The following AKR1C3 variants were observed in gnomAD, a reference collection of about 807,000 sequenced individuals.
The protein encoded by AKR1C3 is 3-alpha hydroxysteroid dehydrogenase, type II.
In AKR1C3, 48 loss-of-function variants were observed where a neutral mutation model predicts 43.6. The observed-to-expected ratio is 1.10, with a 90% CI of 0.87 to 1.40. The LOEUF (loss-of-function observed/expected upper bound fraction) is 1.40, where lower values mean the gene tolerates loss of function less well. AKR1C3 is among the 40% of genes most tolerant of loss of function. The pLI is 0.00. For synonymous variants in AKR1C3, 162 were observed against 139.6 expected, an observed-to-expected ratio of 1.16 and a Z score of -1.13; for missense variants, 482 against 391.2, an observed-to-expected ratio of 1.23 and a Z score of -1.96.
chr10:5,082,741 T>C (rs1489163247), intron 1 of AKR1C3, among the ~76,000 whole-genome samples: 6 of 152,314 alleles, frequency 3.9e-5, no homozygotes, highest in Non-Finnish European at 7.4e-5. Context: ...TCCAAGGATA[T>C]GTTCCTCTAG....
chr10:5,086,532 C>T (rs1188351061), intron 1 of AKR1C3, among the ~76,000 whole-genome samples: 4 of 151,746 alleles, frequency 2.6e-5, no homozygotes, highest in Non-Finnish European at 4.4e-5. Context: ...TGGTGTGGTG[C>T]TGAAAAGAAT....
rs782377695 is a variant in AKR1C3, at chr10:5,102,552, C to G, written c.748C>G (p.Arg250Gly). Residue 250 changes from arginine to glycine, a missense_variant, in exon 7 of 9, where the codon CGA (arginine) becomes GGA (glycine). Coordinates refer to ENST00000380554, the MANE Select transcript of AKR1C3 (RefSeq NM_003739.6). ...VLCALAKKHK[R>G]TPALIALRYQ... ...TTGTGCCTTGGCAAAAAAGCACAAG[C>G]GAACCCCAGCCCTGATTGCCCTGCG... is the stretch of plus-strand genomic sequence containing the variant. 22 of 1,570,390 alleles carry G rather than the reference C, an allele frequency of 1.4e-5. No homozygotes were observed. In the African/African-American group the frequency reaches 2.7e-4, roughly 19 times the overall value.
In AKR1C3 at chr10:5,105,612, G is replaced by A; in HGVS notation, c.864G>A (p.Leu288=). The change falls in exon 8 of 9, where the codon TTG becomes TTA. Residue 288 remains leucine (L), a synonymous_variant. Coordinates refer to ENST00000380554, the MANE Select transcript of AKR1C3 (RefSeq NM_003739.6). ...RQNVQVFEFQ[L]TAEDMKAIDG... ...TCTGATAGGTTTTTGAGTTCCAGTTGACTGCAGAGGACATGAAAGCCATAG... is the reference window on the plus strand; with the variant it reads ...TCTGATAGGTTTTTGAGTTCCAGTTAACTGCAGAGGACATGAAAGCCATAG... 1 of 1,613,832 alleles carries A rather than the reference G, an allele frequency of 6.2e-7. No individual in the cohort carries two copies. Among genetic ancestry groups the A allele is most frequent in the Non-Finnish European group, 8.5e-7 (1 of 1,179,840 alleles).
At chr10:5,082,728 T>C (rs1588345465) in intron 1 of AKR1C3, among the ~76,000 whole-genome samples, 1 of 152,264 alleles carries the variant, frequency 6.6e-6, no homozygotes, top group East Asian at 1.9e-4. Context: ...TGTGACCATG[T>C]TTTCCAAGGA....
chr10:5,093,262 G>T (rs577296074), upstream of AKR1C3: 1 of 151,974 alleles, frequency 6.6e-6, no homozygotes, highest in Non-Finnish European at 1.5e-5. Flanking sequence ...TTCTTGACGC[G>T]TCCATGAGAC....
At chr10:5,092,048 AT>A (rs1306763368), upstream of AKR1C3, among the ~76,000 whole-genome samples, 6 of 145,310 alleles carry the variant, frequency 4.1e-5, no homozygotes, top group East Asian at 1.7e-3. Flanking sequence ...TTAAAAAAAA[AT>A]TTTTGCCAAA....
At chr10:5,093,903 A>G (rs1319868901), upstream of AKR1C3, 4 of 152,142 alleles carry the variant, frequency 2.6e-5, no homozygotes, top group African/African-American at 9.7e-5. Flanking sequence ...TGAAAATGTA[A>G]AAAGGCAAAT....
At chr10:5,089,519 G>T (rs782464637), upstream of AKR1C3, among the ~76,000 whole-genome samples, 2 of 151,934 alleles carry the variant, frequency 1.3e-5, no homozygotes. Context: ...GCTTTCTTCT[G>T]CTGGTTTAGT....
intron 1 of AKR1C3, among the ~76,000 whole-genome samples, chr10:5,057,936 C>G (rs549572774): frequency 6.6e-6 from 1 of 152,174 alleles, no homozygotes; most frequent in African/African-American, 2.4e-5. Flanking sequence ...TGTAGGACAT[C>G]TATGTACCTA....
At chr10:5,098,124 A>G (rs1839256575) in intron 3 of AKR1C3, 3 of 986,722 alleles carry the variant, frequency 3.0e-6, no homozygotes, top group African/African-American at 1.7e-5. Flanking sequence ...ACAGAAAACT[A>G]CTCAGGCTAG....
At chr10:5,103,571 T>C (rs1839413391) in intron 7 of AKR1C3, among the ~76,000 whole-genome samples, 1 of 152,212 alleles carries the variant, frequency 6.6e-6, no homozygotes, top group Non-Finnish European at 1.5e-5. Flanking sequence ...GAGATAGCTC[T>C]GCTTCAAGAT....
intron 1 of AKR1C3, among the ~76,000 whole-genome samples, chr10:5,074,902 G>A (rs1295538886): frequency 6.6e-6 from 1 of 152,138 alleles, no homozygotes; most frequent in African/African-American, 2.4e-5. Flanking sequence ...TATGTAAAAT[G>A]CAGAGTCCCC....
chr10:5,091,580 T>TAGGG (rs1445762281), upstream of AKR1C3, among the ~76,000 whole-genome samples: 1 of 152,166 alleles, frequency 6.6e-6, no homozygotes, highest in African/African-American at 2.4e-5. Context: ...ATTGCTCTTT[T>TAGGG]ATTTATTCTG....
At chr10:5,075,666 G>A (rs1838701185) in intron 1 of AKR1C3, among the ~76,000 whole-genome samples, 1 of 152,036 alleles carries the variant, frequency 6.6e-6, no homozygotes, top group African/African-American at 2.4e-5. Flanking sequence ...CCTGAGGTTG[G>A]GAGTTTGAGA....
rs201848142 is a variant in AKR1C3 at position 5,102,568 on chromosome 10, T to C, written c.764T>C (p.Ile255Thr). The C allele has an allele frequency of 4.3e-5, 67 of 1,564,466 alleles. No individual in the cohort carries two copies. The East Asian group carries it at 1.4e-3, about 33-fold the overall frequency. ...AKKHKRTPAL[I>T]ALRYQLQRGV... ...AAGCACAAGCGAACCCCAGCCCTGA[T>C]TGCCCTGCGCTACCAGCTGCAGCGT... Residue 255 changes from isoleucine to threonine, a missense_variant, in exon 7 of 9, where the codon ATT becomes ACT. Transcript: ENST00000380554.
intron 1 of AKR1C3, among the ~76,000 whole-genome samples, chr10:5,052,763 T>A (rs1838178328): frequency 6.6e-6 from 1 of 152,002 alleles, no homozygotes; most frequent in African/African-American, 2.4e-5. Context: ...ACACAAAGGT[T>A]CTCCAAGTCC....
intron 1 of AKR1C3, among the ~76,000 whole-genome samples, chr10:5,074,314 C>T (rs1025485493): frequency 1.3e-5 from 2 of 152,144 alleles, no homozygotes; most frequent in African/African-American, 4.8e-5. Flanking sequence ...TTAACTGAGA[C>T]CTCTCTCAGA....
intron 1 of AKR1C3, among the ~76,000 whole-genome samples, chr10:5,074,867 C>G (rs782497866): frequency 6.6e-6 from 1 of 152,158 alleles, no homozygotes; most frequent in Non-Finnish European, 1.5e-5. Context: ...GATTGTTCAC[C>G]TACCCCATTT....
At chr10:5,055,269 C>T (rs1383623804) in intron 1 of AKR1C3, among the ~76,000 whole-genome samples, 1 of 152,248 alleles carries the variant, frequency 6.6e-6, no homozygotes, top group Admixed American at 6.5e-5. Context: ...AAGAGATCAT[C>T]TCAGACGGCA....
Sources: gnomAD v4.1 joint callset for allele counts (sites outside exome capture counted in the v4.1 genomes callset) on GRCh38, gnomAD v4.1.1 for gene constraint, MANE v1.5 for transcripts, NCBI Gene and HGNC (gene_info 2026-07-23, HGNC 2026-07-21) for gene names.